The following PSD3 variants were observed in gnomAD, a reference collection of about 807,000 sequenced individuals.
PSD3 encodes the protein PH and SEC7 domain-containing protein 3.
Under a neutral mutation model 105.5 loss-of-function variants are expected in PSD3, and 49 were observed. The ratio of observed to expected loss-of-function variants is 0.46; its 90% CI spans 0.37 to 0.59. The LOEUF is 0.59. PSD3 is among the 20% of genes least tolerant of loss of function. The pLI is 0.00. For synonymous variants in PSD3, 557 were observed against 457.8 expected (o/e 1.22, Z -2.77); for missense variants, 1,561 against 1,263.8 (o/e 1.24, Z -3.57).
At chr8:18,783,668 C>A (rs1290052936) in intron 8 of PSD3, among the ~76,000 whole-genome samples, 4 of 152,194 alleles carry the variant, frequency 2.6e-5, no homozygotes, top group African/African-American at 9.6e-5. Flanking sequence ...TAGTCTTGCT[C>A]TGTTGCCCAG....
intron 9 of PSD3, among the ~76,000 whole-genome samples, chr8:18,666,430 T>C (rs531714843): frequency 3.9e-4 from 59 of 152,354 alleles, no homozygotes; most frequent in Non-Finnish European, 6.9e-4. Flanking sequence ...GTTTTATTGC[T>C]GTGGTCTAGA....
intron 2 of PSD3, among the ~76,000 whole-genome samples, chr8:18,909,997 AT>A (rs1820099667): frequency 6.6e-6 from 1 of 152,168 alleles, no homozygotes; most frequent in Non-Finnish European, 1.5e-5. Context: ...CAGAGAAGGA[AT>A]TTAGATGTTT....
chr8:18,559,933 T>C (rs1801294951), intron 14 of PSD3, among the ~76,000 whole-genome samples: 1 of 152,190 alleles, frequency 6.6e-6, no homozygotes, highest in Non-Finnish European at 1.5e-5. Context: ...GCTATATTTT[T>C]ACAAAGGAAC....
At chr8:18,765,708 C>T (rs777812734) in intron 8 of PSD3, among the ~76,000 whole-genome samples, 170 bp from the exon 9 acceptor site, 1 of 152,086 alleles carries the variant, frequency 6.6e-6, no homozygotes, top group African/African-American at 2.4e-5. Flanking sequence ...GGGTGGATCA[C>T]GAGGTCAGGA....
intron 9 of PSD3, among the ~76,000 whole-genome samples, chr8:18,747,978 T>A (rs1010606350): frequency 2.6e-5 from 4 of 152,066 alleles, no homozygotes; most frequent in Non-Finnish European, 5.9e-5. Context: ...ACTACGGAAG[T>A]CTTCGTATGT....
chr8:18,544,171 C>CAAAAAAAAAAAAA (rs201016537), intron 15 of PSD3, among the ~76,000 whole-genome samples: 11 of 106,676 alleles, frequency 1.0e-4, no homozygotes, highest in Admixed American at 1.7e-4. Flanking sequence ...AGAAACAAAC[C>CAAAAAAAAAAAAA]AAAAAAAAAA....
At chr8:18,754,760 A>T (rs972787385) in intron 9 of PSD3, among the ~76,000 whole-genome samples, 1 of 152,104 alleles carries the variant, frequency 6.6e-6, no homozygotes, top group East Asian at 1.9e-4. Flanking sequence ...TTTTTTAGTC[A>T]TTTTAAAAAA....
At chr8:19,074,117 A>G (rs1464178619) in intron 1 of PSD3, among the ~76,000 whole-genome samples, 1 of 152,146 alleles carries the variant, frequency 6.6e-6, no homozygotes, top group East Asian at 1.9e-4. Context: ...TGCTGCCTCA[A>G]GATTGCAGTC....
intron 9 of PSD3, among the ~76,000 whole-genome samples, chr8:18,680,481 C>G (rs57922876): frequency 0.078 from 11,926 of 152,186 alleles, 1,073 homozygotes; most frequent in African/African-American, 0.21. Flanking sequence ...AGTAACTCTT[C>G]CAATAACAGA....
At chr8:18,880,679 C>T (rs1487043761) in intron 2 of PSD3, among the ~76,000 whole-genome samples, 1 of 152,168 alleles carries the variant, frequency 6.6e-6, no homozygotes, top group Non-Finnish European at 1.5e-5. Context: ...GCTGTGAGCT[C>T]TTACACCAAA....
intron 10 of PSD3, among the ~76,000 whole-genome samples, chr8:18,655,328 C>CA (rs35143136): frequency 0.022 from 2,228 of 100,002 alleles, 49 homozygotes; most frequent in East Asian, 0.12. Context: ...GACTCCACCT[C>CA]AAAAAAAAAA....
chr8:18,726,742 T>C (rs866020923), intron 9 of PSD3, among the ~76,000 whole-genome samples: 4 of 152,212 alleles, frequency 2.6e-5, no homozygotes, highest in Admixed American at 6.5e-5. Context: ...AGATTCAGCT[T>C]ATGCAAAATA....
intron 9 of PSD3, among the ~76,000 whole-genome samples, chr8:18,691,198 A>C (rs1315102739): frequency 6.6e-6 from 1 of 152,204 alleles, no homozygotes; most frequent in African/African-American, 2.4e-5. Context: ...TTCTTAAGGC[A>C]GGGGGAACAC....
intron 2 of PSD3, among the ~76,000 whole-genome samples, chr8:18,889,106 TTGAC>T (rs1298408514): frequency 6.6e-6 from 1 of 152,172 alleles, no homozygotes; most frequent in Admixed American, 6.5e-5. Flanking sequence ...AACACTTACT[TTGAC>T]TAACCCCCTA....
rs5889849 is a variant in PSD3, at chr8:19,069,949, CTTTTTTT to C, written c.324+14250_324+14256del. Among the ~76,000 whole-genome samples, 536 of 139,016 alleles carry C rather than the reference CTTTTTTT, an allele frequency of 3.9e-3. 9 individuals are homozygous for C. The highest frequency in any genetic ancestry group is 0.031 in the South Asian group (136 of 4,370). 91.2% of individuals were successfully genotyped at this position (139,016 alleles called of 152,430 possible). A position where few individuals can be genotyped will look rare whatever the true frequency, so the allele number is the denominator to read the frequency against. ...TCATCTCAAAAAGCTTTTCTTTTTT[CTTTTTTT>C]TTTTTTTGAGACAGAGTCTTGCTCT... On this transcript the variant is annotated intron_variant, in intron 1 of 1. Coordinates refer to the PSD3 transcript ENST00000521475.
intron 4 of PSD3, among the ~76,000 whole-genome samples, chr8:18,847,596 C>T (rs920094872): frequency 6.6e-6 from 1 of 152,106 alleles, no homozygotes; most frequent in Non-Finnish European, 1.5e-5. Context: ...GATTTCGTAC[C>T]GTCAAGTAAT....
At position 18,801,974 on chromosome 8, in the gene PSD3, C is replaced by A. The variant is rs144093454; in HGVS notation, c.1911-592G>T. ...TTTAAAAGGTCAGATTTAAAAAAAA[C>A]AAAGACCGCTTAAGACTCAATACAT... is the stretch of plus-strand genomic sequence containing the variant. On this transcript the variant is annotated intron_variant, in intron 6 of 15. Coordinates refer to ENST00000327040, the MANE Select transcript of PSD3 (RefSeq NM_015310.4). Among the ~76,000 whole-genome samples the A allele has an allele frequency of 1.2e-3, 179 of 151,930 alleles. 3 individuals carry two copies. In the East Asian group the frequency reaches 0.03, roughly 26 times the overall value.
chr8:19,069,455 G>A (rs1300860975), intron 1 of PSD3, among the ~76,000 whole-genome samples: 1 of 152,204 alleles, frequency 6.6e-6, no homozygotes, highest in African/African-American at 2.4e-5. Context: ...TGCTTGGGCA[G>A]AAGCTGAATT....
intron 14 of PSD3, among the ~76,000 whole-genome samples, chr8:18,567,048 G>A (rs570778356): frequency 6.6e-6 from 1 of 152,280 alleles, no homozygotes; most frequent in Non-Finnish European, 1.5e-5. Flanking sequence ...AAACAGAACT[G>A]TAGATTTTAG....
Sources: gnomAD v4.1 joint callset for allele counts (sites outside exome capture counted in the v4.1 genomes callset) on GRCh38, gnomAD v4.1.1 for gene constraint, MANE v1.5 for transcripts, NCBI Gene and HGNC (gene_info 2026-07-23, HGNC 2026-07-21) for gene names.